TBC1D5: variants seen among roughly 807,000 people sequenced by gnomAD.
TBC1D5 encodes TBC1 domain family member 5.
TBC1D5 carries 75 observed loss-of-function variants against 100.3 expected under a neutral mutation model. The observed-to-expected ratio is 0.75, with a 90% CI of 0.62 to 0.91. The LOEUF (loss-of-function observed/expected upper bound fraction) is 0.91. TBC1D5 is among the 40% of genes least tolerant of loss of function. The probability of loss-of-function intolerance (pLI) is 0.00; values close to 1 mark genes in which losing one functional copy is unlikely to be tolerated. For synonymous variants in TBC1D5, 323 were observed against 325.6 expected (o/e 0.99, Z 0.09); for missense variants, 910 against 942.4 (o/e 0.97, Z 0.45).
At chr3:17,329,855 T>C (rs2086657996) in intron 13 of TBC1D5, among the ~76,000 whole-genome samples, 1 of 152,178 alleles carries the variant, frequency 6.6e-6, no homozygotes. Flanking sequence ...CCTCCTACCT[T>C]GCCAATATCC....
intron 14 of TBC1D5, among the ~76,000 whole-genome samples, chr3:17,296,056 A>G (rs1420933637): frequency 2.6e-5 from 4 of 152,226 alleles, no homozygotes; most frequent in African/African-American, 9.6e-5. Flanking sequence ...ATTCTTAGCA[A>G]GTTCATGACA....
At position 17,448,248 on chromosome 3, in the gene TBC1D5, C is replaced by T. The variant is rs150060003; in HGVS notation, c.98-19729G>A. 4.6e-3 allele frequency among the ~76,000 whole-genome samples: 702 copies of T among 152,294 alleles called. 7 individuals are homozygous for T. The highest frequency in any genetic ancestry group is 0.016 in the African/African-American group (645 of 41,566). ...AGTTCTCTTGCTATTTCCTGTCCAT[C>T]GGCAGTTACTTCCTCCACTGAGGAG... On this transcript the variant is annotated intron_variant, in intron 3 of 21. Transcript: ENST00000253692.
At chr3:17,528,399 A>T (rs2096169623) in intron 2 of TBC1D5, among the ~76,000 whole-genome samples, 1 of 152,118 alleles carries the variant, frequency 6.6e-6, no homozygotes, top group South Asian at 2.1e-4. Flanking sequence ...CCCTTAGGAG[A>T]ATGCAGTAAC....
intron 13 of TBC1D5, among the ~76,000 whole-genome samples, chr3:17,369,544 C>G (rs551766302): frequency 1.3e-5 from 2 of 152,188 alleles, no homozygotes; most frequent in African/African-American, 4.8e-5. Flanking sequence ...AGATGGGGGT[C>G]TTGCTATGTT....
chr3:17,562,591 G>T (rs2096566523), intron 2 of TBC1D5, among the ~76,000 whole-genome samples: 1 of 150,324 alleles, frequency 6.7e-6, no homozygotes. Flanking sequence ...TGAGTGATAT[G>T]CCAGGGACTG....
intron 2 of TBC1D5, among the ~76,000 whole-genome samples, chr3:17,515,681 A>G (rs1265649084): frequency 6.6e-6 from 1 of 152,204 alleles, no homozygotes; most frequent in Non-Finnish European, 1.5e-5. Flanking sequence ...AATACCAAAG[A>G]ATTCAGTTTA....
In TBC1D5 at chr3:17,214,062, T is replaced by A. The variant is rs969540419; in HGVS notation, c.1752+145A>T. ...TTAAAATATTACTAAAGTAAAATAA[T>A]AAAATACTTTTGATAAAATAATTCC... On this transcript the variant is annotated intron_variant, in intron 18 of 21. Coordinates refer to ENST00000253692, the Ensembl canonical transcript of TBC1D5. 9.0e-6 allele frequency: 7 copies of A among 780,732 alleles called. No individual in the cohort carries two copies. The Admixed American group carries it at 1.2e-4, about 13-fold the overall frequency. The allele number at this position is 780,732 out of a possible 1,614,324, so 48.4% of individuals were successfully genotyped here.
At chr3:17,541,733 T>C (rs1301153454) in intron 2 of TBC1D5, among the ~76,000 whole-genome samples, 1 of 152,188 alleles carries the variant, frequency 6.6e-6, no homozygotes, top group Non-Finnish European at 1.5e-5. Context: ...TGAACAGAAA[T>C]AGCAAAAACT....
intron 2 of TBC1D5, among the ~76,000 whole-genome samples, chr3:17,605,226 T>A (rs1414925406): frequency 6.6e-6 from 1 of 152,196 alleles, no homozygotes; most frequent in East Asian, 1.9e-4. Context: ...GGTTTTTTTT[T>A]AAAGGAGTCA....
intron 13 of TBC1D5, among the ~76,000 whole-genome samples, chr3:17,365,264 C>G (rs979815237): frequency 6.6e-6 from 1 of 152,126 alleles, no homozygotes; most frequent in Non-Finnish European, 1.5e-5. Context: ...GTGGGAAAAG[C>G]ATATTTTTAT....
chr3:17,237,735 C>T (rs1001145365), intron 17 of TBC1D5, among the ~76,000 whole-genome samples: 4 of 152,216 alleles, frequency 2.6e-5, no homozygotes, highest in Admixed American at 2.6e-4. Context: ...AGACTGCAAG[C>T]CTAGTGGCCC....
intron 1 of TBC1D5, among the ~76,000 whole-genome samples, chr3:17,699,813 GAAA>G (rs577083282): frequency 7.5e-6 from 1 of 133,376 alleles, no homozygotes; most frequent in Admixed American, 7.5e-5. Flanking sequence ...TGTGTCAAGG[GAAA>G]AAAAAAAAAA....
intron 2 of TBC1D5, among the ~76,000 whole-genome samples, chr3:17,529,340 C>T (rs896360537): frequency 4.6e-5 from 7 of 152,162 alleles, no homozygotes; most frequent in African/African-American, 1.2e-4. Flanking sequence ...ATCTCTGTCC[C>T]GATTTGCCTG....
chr3:17,518,748 G>A (rs2096024420), intron 2 of TBC1D5, among the ~76,000 whole-genome samples: 1 of 152,244 alleles, frequency 6.6e-6, no homozygotes, highest in South Asian at 2.1e-4. Flanking sequence ...TAACACTTAA[G>A]CCGTCTGCAA....
At chr3:17,709,350 C>A (rs1357858855) in intron 1 of TBC1D5, among the ~76,000 whole-genome samples, 1 of 152,124 alleles carries the variant, frequency 6.6e-6, no homozygotes, top group African/African-American at 2.4e-5. Flanking sequence ...AGCAAACTGA[C>A]TCTAAAAATG....
At chr3:17,171,052 G>A (rs1036060139) in intron 19 of TBC1D5, among the ~76,000 whole-genome samples, 5 of 152,124 alleles carry the variant, frequency 3.3e-5, no homozygotes, top group East Asian at 1.9e-4. Context: ...CACATTGCCC[G>A]AAAAACCTGT....
At chr3:17,526,708 T>C (rs1051710843) in intron 2 of TBC1D5, among the ~76,000 whole-genome samples, 1 of 152,206 alleles carries the variant, frequency 6.6e-6, no homozygotes, top group Admixed American at 6.5e-5. Context: ...AAGCATTCAA[T>C]AAATATTAGC....
chr3:17,388,913 A>G lies in TBC1D5; in HGVS notation c.510-4898T>C, dbSNP rs562059759. 2.0e-5 allele frequency among the ~76,000 whole-genome samples: 3 copies of G among 152,154 alleles called. No individual in the cohort carries two copies. The East Asian group carries it at 5.8e-4, about 30-fold the overall frequency. ...AAAAAAAATACCATAGTGCCATTGTAACACTACTAATAATAAAAATAATAA... is the reference window on the plus strand; with the variant it reads ...AAAAAAAATACCATAGTGCCATTGTGACACTACTAATAATAAAAATAATAA... On this transcript the variant is annotated intron_variant, in intron 8 of 21. Coordinates refer to ENST00000253692, the Ensembl canonical transcript of TBC1D5.
chr3:17,467,116 T>C (rs1247239533), intron 3 of TBC1D5, among the ~76,000 whole-genome samples: 4 of 152,196 alleles, frequency 2.6e-5, no homozygotes, highest in African/African-American at 9.6e-5. Context: ...ATATTTTTCA[T>C]AATTATAAAT....
Sources: gnomAD v4.1 joint callset for allele counts (sites outside exome capture counted in the v4.1 genomes callset) on GRCh38, gnomAD v4.1.1 for gene constraint, MANE v1.5 for transcripts, NCBI Gene and HGNC (gene_info 2026-07-23, HGNC 2026-07-21) for gene names.